Variants in CARMIL1 observed in about 807,000 individuals in gnomAD.
CARMIL1 encodes capping protein regulator and myosin 1 linker 1.
In CARMIL1, 90 loss-of-function variants were observed where a neutral mutation model predicts 177.1. The observed-to-expected ratio is 0.51, with a 90% CI of 0.43 to 0.61. CARMIL1 has a LOEUF of 0.61. CARMIL1 is among the 20% of genes least tolerant of loss of function. The pLI is 0.00. For missense variants in CARMIL1, 1,380 were observed against 1,667.0 expected, an observed-to-expected ratio of 0.83 and a Z score of 3.00; for synonymous variants, 577 against 606.2, an observed-to-expected ratio of 0.95 and a Z score of 0.71.
chr6:25,314,582 ACT>A (rs1157371526), intron 2 of CARMIL1, among the ~76,000 whole-genome samples: 6 of 151,926 alleles, frequency 3.9e-5, no homozygotes, highest in South Asian at 2.1e-4. Context: ...TCACACATGC[ACT>A]TATATATTCA....
Position 25,494,599 on chromosome 6 carries a change from A to G in CARMIL1, c.1221-512A>G, listed in dbSNP as rs528354360. On this transcript the variant is annotated intron_variant, in intron 15 of 36. Transcript: ENST00000329474. ...AAATGATTAGGTTTTTGGTATGGAC[A>G]TACTAGCTGAATAGGCTATTTGTAA... 3.6e-4 allele frequency among the ~76,000 whole-genome samples: 55 copies of G among 152,356 alleles called. 1 individual carries two copies. Among genetic ancestry groups the G allele is most frequent in the Admixed American group, 3.1e-3 (48 of 15,302 alleles).
intron 2 of CARMIL1, among the ~76,000 whole-genome samples, chr6:25,302,492 AC>A (rs1365135964): frequency 7.2e-5 from 11 of 152,196 alleles, no homozygotes; most frequent in Admixed American, 7.2e-4. Flanking sequence ...AGAGTCCAGG[AC>A]TGTTTACCTA....
At chr6:25,560,763 A>G (rs1001243955) in intron 29 of CARMIL1, among the ~76,000 whole-genome samples, 1 of 152,214 alleles carries the variant, frequency 6.6e-6, no homozygotes, top group Non-Finnish European at 1.5e-5. Flanking sequence ...ATTTAGTTAT[A>G]CCACATTGAT....
intron 5 of CARMIL1, among the ~76,000 whole-genome samples, chr6:25,436,232 T>C (rs546444753): frequency 2.0e-5 from 3 of 152,246 alleles, no homozygotes; most frequent in South Asian, 2.1e-4. Context: ...GGAATTAGAT[T>C]GACTGAGGTG....
intron 4 of CARMIL1, among the ~76,000 whole-genome samples, chr6:25,434,396 A>G (rs116037979): frequency 1.1e-4 from 16 of 152,136 alleles, no homozygotes; most frequent in African/African-American, 3.6e-4. Flanking sequence ...CATGTTTTGG[A>G]CATCTCCAGC....
At chr6:25,351,738 C>T (rs1355098285) in intron 2 of CARMIL1, among the ~76,000 whole-genome samples, 1 of 152,120 alleles carries the variant, frequency 6.6e-6, no homozygotes. Context: ...TTTTAACCTC[C>T]CTGAGCCTCG....
chr6:25,479,080 C>A (rs757197381), intron 11 of CARMIL1: 1 of 518,554 alleles, frequency 1.9e-6, no homozygotes, highest in Non-Finnish European at 3.8e-6. Flanking sequence ...TGCTTTCTAA[C>A]AGAGAAGAGG....
At chr6:25,349,552 A>G (rs1349500833) in intron 2 of CARMIL1, among the ~76,000 whole-genome samples, 2 of 152,144 alleles carry the variant, frequency 1.3e-5, no homozygotes, top group African/African-American at 4.8e-5. Flanking sequence ...TTAATGACTA[A>G]AAGGTTTTCC....
intron 17 of CARMIL1, among the ~76,000 whole-genome samples, chr6:25,507,674 C>T (rs1322571164): frequency 6.6e-6 from 1 of 152,070 alleles, no homozygotes; most frequent in Non-Finnish European, 1.5e-5. Context: ...CTGTACTTTA[C>T]AATGATAGAA....
chr6:25,537,198 T>A (rs1417385014), intron 24 of CARMIL1, among the ~76,000 whole-genome samples: 1 of 152,212 alleles, frequency 6.6e-6, no homozygotes, highest in South Asian at 2.1e-4. Flanking sequence ...AGGGGAGGCA[T>A]CTTATTGTAA....
In CARMIL1 at chr6:25,594,986, G is replaced by T. The variant is rs143173581; in HGVS notation, c.3119+459G>T. Among the ~76,000 whole-genome samples, 445 of 152,166 alleles carry T rather than the reference G, an allele frequency of 2.9e-3. 3 individuals carry two copies. Among genetic ancestry groups the T allele is most frequent in the African/African-American group, 9.4e-3 (391 of 41,504 alleles). ...CATAATTTGATTTATTGGGTTGGGG[G>T]GCTAAGTCATTGCTAAATGGCATGA... On this transcript the variant is annotated intron_variant, in intron 32 of 36. Transcript: ENST00000329474.
intron 33 of CARMIL1, among the ~76,000 whole-genome samples, chr6:25,602,376 C>T (rs3804114): frequency 0.28 from 41,884 of 152,074 alleles, 6,080 homozygotes; most frequent in East Asian, 0.54. Context: ...TTCTTTATAA[C>T]AATGAATGTG....
intron 2 of CARMIL1, among the ~76,000 whole-genome samples, chr6:25,386,246 TTG>T (rs1295305816): frequency 1.3e-5 from 2 of 152,048 alleles, no homozygotes; most frequent in African/African-American, 4.8e-5. Context: ...TTTATAATCT[TTG>T]TGTGTGTGTG....
At position 25,619,929 on chromosome 6, in the gene CARMIL1, A is replaced by C. The variant is rs1170014993; in HGVS notation, c.*346A>C. ...CTGAGGCAGCTACAGATTGCCCTGC[A>C]AGATGAGTTTTTGGAGATAAATGAA... On this transcript the variant is annotated 3_prime_UTR_variant, in exon 37 of 37. Transcript: ENST00000329474. The C allele has an allele frequency of 6.1e-6, 1 of 164,972 alleles. No individual in the cohort carries two copies. The highest frequency in any genetic ancestry group is 2.4e-5 in the African/African-American group (1 of 41,670). 10.2% of individuals were successfully genotyped at this position (164,972 alleles called of 1,614,324 possible).
intron 9 of CARMIL1, among the ~76,000 whole-genome samples, 193 bp from the exon 10 acceptor site, chr6:25,470,976 G>A (rs1486579860): frequency 2.0e-5 from 3 of 152,110 alleles, no homozygotes; most frequent in African/African-American, 4.8e-5. Flanking sequence ...CTTGAAGGCC[G>A]GGACTTTCTC....
At chr6:25,440,446 C>T (rs1289704272) in intron 5 of CARMIL1, among the ~76,000 whole-genome samples, 1 of 152,338 alleles carries the variant, frequency 6.6e-6, no homozygotes, top group South Asian at 2.1e-4. Context: ...TTGCATTCCT[C>T]TTTTCTACCC....
intron 25 of CARMIL1, 111 bp downstream of exon 25, chr6:25,538,094 T>A: frequency 8.2e-7 from 1 of 1,215,876 alleles, no homozygotes; most frequent in Non-Finnish European, 1.1e-6. Context: ...CCAAGTTTAC[T>A]AACAAGTGGC....
chr6:25,591,587 T>A (rs972883297), intron 31 of CARMIL1, among the ~76,000 whole-genome samples: 7 of 152,256 alleles, frequency 4.6e-5, no homozygotes, highest in African/African-American at 1.7e-4. Context: ...TCCTTTCCTT[T>A]GCTTTTGTTA....
In CARMIL1 at chr6:25,296,760, A is replaced by G. The variant is rs551876648; in HGVS notation, c.138+11851A>G. On this transcript the variant is annotated intron_variant, in intron 2 of 36. Transcript: ENST00000329474. ...TTAAATCAGCTGTCACTAGCAACCA[A>G]AAAAAGATCTTATCATCTGTCATAG... 5.3e-5 allele frequency among the ~76,000 whole-genome samples: 8 copies of G among 152,300 alleles called. No individual in the cohort carries two copies. In the South Asian group the frequency reaches 1.5e-3, roughly 28 times the overall value.
Sources: gnomAD v4.1 joint callset for allele counts (sites outside exome capture counted in the v4.1 genomes callset) on GRCh38, gnomAD v4.1.1 for gene constraint, MANE v1.5 for transcripts, NCBI Gene and HGNC (gene_info 2026-07-23, HGNC 2026-07-21) for gene names.